FGF12: variants seen among roughly 807,000 people sequenced by gnomAD.
The protein encoded by FGF12 is fibroblast growth factor 12.
FGF12 carries 14 observed loss-of-function variants against 23.6 expected under a neutral mutation model. The observed-to-expected ratio is 0.59, with a 90% CI of 0.39 to 0.93. The LOEUF (loss-of-function observed/expected upper bound fraction) is 0.93. Ranked by LOEUF, FGF12 falls within the 40% of genes least tolerant of loss-of-function variation. The probability of loss-of-function intolerance (pLI) is 0.00; values close to 1 mark genes in which losing one functional copy is unlikely to be tolerated. For synonymous variants in FGF12, 62 were observed against 77.3 expected (o/e 0.80, Z 1.04); for missense variants, 175 against 217.8 (o/e 0.80, Z 1.24).
intron 4 of FGF12, among the ~76,000 whole-genome samples, chr3:192,217,887 A>T (rs1718274815): frequency 6.6e-6 from 1 of 150,486 alleles, no homozygotes; most frequent in Non-Finnish European, 1.5e-5. Context: ...CCAAGACTGG[A>T]GTGCAATGGC....
intron 4 of FGF12, among the ~76,000 whole-genome samples, chr3:192,333,370 A>G (rs1212941596): frequency 2.0e-5 from 3 of 152,132 alleles, no homozygotes; most frequent in Admixed American, 6.6e-5. Context: ...GACTGATTAA[A>G]TCTTTAAAGT....
chr3:192,500,706 A>AT (rs1724109151), intron 2 of FGF12, among the ~76,000 whole-genome samples: 1 of 152,238 alleles, frequency 6.6e-6, no homozygotes. Flanking sequence ...TGCATTCCCA[A>AT]GTGAAATACA....
At chr3:192,687,956 G>A (rs1226364900) in intron 2 of FGF12, among the ~76,000 whole-genome samples, 2 of 151,832 alleles carry the variant, frequency 1.3e-5, no homozygotes, top group East Asian at 3.9e-4. Flanking sequence ...CACTGACCTT[G>A]GCTGCCACAC....
In FGF12 at chr3:192,144,478, C is replaced by G. The variant is rs1385070794; in HGVS notation, c.428-351G>C. Among the ~76,000 whole-genome samples the G allele has an allele frequency of 3.9e-5, 6 of 152,196 alleles. No homozygotes were observed. The East Asian group carries it at 1.2e-3, about 29-fold the overall frequency. On this transcript the variant is annotated intron_variant, in intron 5 of 5. Transcript: ENST00000445105. Reference sequence around the variant, plus strand: ...CGCTTTTTGGTCCTTAGTCTGCAGTCTAATTCGGGTAGGTAAAAAAATATT... The same window carrying G: ...CGCTTTTTGGTCCTTAGTCTGCAGTGTAATTCGGGTAGGTAAAAAAATATT...
chr3:192,441,251 C>A (rs2108796509), intron 2 of FGF12, among the ~76,000 whole-genome samples: 1 of 152,302 alleles, frequency 6.6e-6, no homozygotes, highest in South Asian at 2.1e-4. Context: ...GAAATTAGGA[C>A]AGCTTTCCTT....
chr3:192,603,272 T>C (rs1046404163), intron 2 of FGF12, among the ~76,000 whole-genome samples: 1 of 152,160 alleles, frequency 6.6e-6, no homozygotes, highest in Non-Finnish European at 1.5e-5. Flanking sequence ...TATCATTCTA[T>C]GCCTAGAAAA....
At chr3:192,378,148 T>C (rs1719654100) in intron 2 of FGF12, among the ~76,000 whole-genome samples, 1 of 148,252 alleles carries the variant, frequency 6.7e-6, no homozygotes, top group African/African-American at 2.6e-5. Context: ...TCTCACTCTG[T>C]CGGCCAGGCT....
intron 4 of FGF12, among the ~76,000 whole-genome samples, chr3:192,235,522 C>T (rs1051214862): frequency 1.3e-5 from 2 of 152,076 alleles, no homozygotes; most frequent in African/African-American, 4.8e-5. Context: ...TGGGGTTTCA[C>T]CATGTTGGCC....
chr3:192,443,096 C>G (rs1722252011), intron 2 of FGF12, among the ~76,000 whole-genome samples: 1 of 152,152 alleles, frequency 6.6e-6, no homozygotes, highest in South Asian at 2.1e-4. Flanking sequence ...GCGTGAGTCA[C>G]CGTGCCCGGC....
intron 4 of FGF12, among the ~76,000 whole-genome samples, chr3:192,297,356 T>C (rs1163928847): frequency 6.6e-6 from 1 of 152,228 alleles, no homozygotes; most frequent in African/African-American, 2.4e-5. Flanking sequence ...GTTTGGTAAT[T>C]GGAACTCAAA....
In FGF12 at chr3:192,150,253, C is replaced by T. The variant is rs752549213; in HGVS notation, c.428-6126G>A. Among the ~76,000 whole-genome samples the T allele has an allele frequency of 1.8e-3, 155 of 86,862 alleles. 23 individuals are homozygous for T. The highest frequency in any genetic ancestry group is 2.7e-3 in the Non-Finnish European group (113 of 41,868). 57.0% of individuals were successfully genotyped at this position (86,862 alleles called of 152,430 possible). A position where few individuals can be genotyped will look rare whatever the true frequency, so the allele number is the denominator to read the frequency against. ...TGACTAGGTTGCGAAAATTTTCTCC[C>T]ATTTTGTAGGTTGCCTGTTCACTCT... On this transcript the variant is annotated intron_variant, in intron 5 of 5. Transcript: ENST00000445105.
chr3:192,235,910 G>C (rs1209486704), intron 4 of FGF12, among the ~76,000 whole-genome samples: 1 of 152,022 alleles, frequency 6.6e-6, no homozygotes, highest in Non-Finnish European at 1.5e-5. Flanking sequence ...CTTTGGGGTT[G>C]GGTTACTCTT....
chr3:192,692,997 T>C (rs1209744801), intron 2 of FGF12, among the ~76,000 whole-genome samples: 1 of 151,570 alleles, frequency 6.6e-6, no homozygotes, highest in African/African-American at 2.4e-5. Flanking sequence ...ATAAAAGGTA[T>C]CCAAATATAA....
intron 2 of FGF12, among the ~76,000 whole-genome samples, chr3:192,592,815 G>C (rs1055422906): frequency 6.6e-6 from 1 of 151,810 alleles, no homozygotes; most frequent in South Asian, 2.1e-4. Flanking sequence ...ACCTCAGCTC[G>C]ACTCATAGCT....
rs180787081 is a variant in FGF12, at chr3:192,187,627, T to C, written c.229-16971A>G. ...CCATACTGTGAGGTATAAGATTAAGTGATAATGCTTCCTTCTTGAATAAGA... is the reference window on the plus strand; with the variant it reads ...CCATACTGTGAGGTATAAGATTAAGCGATAATGCTTCCTTCTTGAATAAGA... On this transcript the variant is annotated intron_variant, in intron 4 of 5. Coordinates refer to ENST00000445105, the MANE Select transcript of FGF12 (RefSeq NM_004113.6). 3.9e-5 allele frequency among the ~76,000 whole-genome samples: 6 copies of C among 152,322 alleles called. No homozygotes were observed. In the East Asian group the frequency reaches 1.2e-3, roughly 29 times the overall value.
intron 2 of FGF12, among the ~76,000 whole-genome samples, chr3:192,576,695 G>A (rs181092472): frequency 2.0e-5 from 3 of 152,302 alleles, no homozygotes; most frequent in African/African-American, 7.2e-5. Flanking sequence ...GAAAGGCAGA[G>A]AAAGAACAAC....
intron 2 of FGF12, among the ~76,000 whole-genome samples, chr3:192,365,449 C>T (rs2366656): frequency 0.12 from 18,187 of 151,854 alleles, 1,355 homozygotes; most frequent in Middle Eastern, 0.29. Context: ...TTTAGTTAAA[C>T]ATACTGTAAT....
rs146225547 is a variant in FGF12, at chr3:192,237,422, A to C, written c.229-66766T>G. Among the ~76,000 whole-genome samples the C allele has an allele frequency of 3.9e-5, 6 of 152,294 alleles. No homozygotes were observed. The East Asian group carries it at 1.2e-3, about 29-fold the overall frequency. On this transcript the variant is annotated intron_variant, in intron 4 of 5. Coordinates refer to ENST00000445105, the MANE Select transcript of FGF12 (RefSeq NM_004113.6). ...AAATTTTCATGACCAATATTCTCAA[A>C]TATGTTTTCCAAGTTGCTTGTTCTC...
intron 2 of FGF12, among the ~76,000 whole-genome samples, chr3:192,696,063 C>A (rs1718111785): frequency 6.6e-6 from 1 of 152,136 alleles, no homozygotes. Context: ...CTCACTACTG[C>A]ACTCCAACCT....
Sources: gnomAD v4.1 joint callset for allele counts (sites outside exome capture counted in the v4.1 genomes callset) on GRCh38, gnomAD v4.1.1 for gene constraint, MANE v1.5 for transcripts, NCBI Gene and HGNC (gene_info 2026-07-23, HGNC 2026-07-21) for gene names.